Variants in LGR5 observed in about 807,000 individuals in gnomAD.
LGR5 encodes leucine-rich repeat-containing G protein-coupled receptor 5.
LGR5 carries 54 observed loss-of-function variants against 76.7 expected under a neutral mutation model. The observed-to-expected ratio is 0.70, with a 90% confidence interval of 0.57 to 0.88. LGR5 has a LOEUF of 0.88. Ranked by LOEUF, LGR5 falls within the 40% of genes least tolerant of loss-of-function variation. The pLI is 0.00. For missense variants in LGR5, 1,078 were observed against 1,073.3 expected (o/e 1.00, Z -0.06); for synonymous variants, 406 against 421.9 (o/e 0.96, Z 0.46).
chr12:71,489,543 G>T (rs1260617176), intron 1 of LGR5, among the ~76,000 whole-genome samples: 1 of 152,102 alleles, frequency 6.6e-6, no homozygotes, highest in Admixed American at 6.6e-5. Context: ...AGTCAACTTG[G>T]CATGAAAGTC....
At chr12:71,448,405 A>T (rs537823967) in intron 1 of LGR5, 1 of 152,218 alleles carries the variant, frequency 6.6e-6, no homozygotes, top group Non-Finnish European at 1.5e-5. Context: ...ACCTTAGTAC[A>T]TAACAAGGAT....
At chr12:71,524,944 T>C (rs1366508864) in intron 3 of LGR5, among the ~76,000 whole-genome samples, 1 of 152,178 alleles carries the variant, frequency 6.6e-6, no homozygotes, top group Non-Finnish European at 1.5e-5. Context: ...AAGCCTAGTG[T>C]AGAGCAGATA....
chr12:71,456,660 T>G (rs930673570), intron 1 of LGR5, among the ~76,000 whole-genome samples: 26 of 151,580 alleles, frequency 1.7e-4, no homozygotes, highest in Admixed American at 1.7e-3. Flanking sequence ...TACTGTTAAT[T>G]TATAGTAAAT....
intron 2 of LGR5, among the ~76,000 whole-genome samples, chr12:71,523,465 A>G (rs976955639): frequency 1.8e-4 from 28 of 152,104 alleles, no homozygotes; most frequent in African/African-American, 6.5e-4. Context: ...AGCCTTGGCA[A>G]TAAACCATCT....
intron 5 of LGR5, among the ~76,000 whole-genome samples, chr12:71,554,026 G>A (rs1480977928): frequency 6.6e-6 from 1 of 152,118 alleles, no homozygotes; most frequent in Non-Finnish European, 1.5e-5. Context: ...AGGTTGCAGT[G>A]AGCCAAGATT....
At chr12:71,474,506 C>T (rs1323010034) in intron 1 of LGR5, among the ~76,000 whole-genome samples, 2 of 152,228 alleles carry the variant, frequency 1.3e-5, no homozygotes, top group Admixed American at 1.3e-4. Flanking sequence ...GGGAGACCCA[C>T]ACCTACAGAA....
chr12:71,572,409 A>G (rs1878654483), intron 12 of LGR5, among the ~76,000 whole-genome samples: 1 of 152,162 alleles, frequency 6.6e-6, no homozygotes, highest in Non-Finnish European at 1.5e-5. Flanking sequence ...GTCACACTTC[A>G]GTTTTGATCA....
chr12:71,449,604 T>C (rs1348988624), intron 1 of LGR5, among the ~76,000 whole-genome samples: 1 of 152,206 alleles, frequency 6.6e-6, no homozygotes, highest in African/African-American at 2.4e-5. Context: ...TAGAGTCTGA[T>C]AGTCATAAGT....
intron 4 of LGR5, among the ~76,000 whole-genome samples, chr12:71,539,727 C>T (rs1211577427): frequency 6.6e-6 from 1 of 152,186 alleles, no homozygotes; most frequent in African/African-American, 2.4e-5. Flanking sequence ...ATCTGCCTGC[C>T]TTGGCCTCCC....
chr12:71,584,185 C>T lies in LGR5; in HGVS notation c.2175C>T (p.Tyr725=), dbSNP rs756647403. 7.4e-6 allele frequency: 12 copies of T among 1,614,192 alleles called. No individual in the cohort carries two copies. Among genetic ancestry groups the T allele is most frequent in the Middle Eastern group, 1.6e-4 (1 of 6,062 alleles). Residue 725 remains tyrosine, a synonymous_variant, in exon 18 of 18, where the codon TAC becomes TAT. Coordinates refer to ENST00000266674, the MANE Select transcript of LGR5 (RefSeq NM_003667.4). The part of the protein sequence containing the change: ...LPFGEPSTMG[Y]MVALILLNSL... ...TTGGGGAGCCCAGCACCATGGGCTA[C>T]ATGGTCGCTCTCATCTTGCTCAATT...
At chr12:71,565,065 G>A (rs1191533239) in intron 8 of LGR5, among the ~76,000 whole-genome samples, 1 of 151,790 alleles carries the variant, frequency 6.6e-6, no homozygotes, top group East Asian at 1.9e-4. Context: ...AAGATATTAA[G>A]AGGAAAGCTC....
At chr12:71,557,651 G>A (rs559447407) in intron 6 of LGR5, among the ~76,000 whole-genome samples, 57 of 152,294 alleles carry the variant, frequency 3.7e-4, no homozygotes, top group Non-Finnish European at 5.0e-4. Flanking sequence ...AGGTTCTTGT[G>A]GGCCACACCA....
chr12:71,558,072 C>A (rs966122887), intron 6 of LGR5, among the ~76,000 whole-genome samples: 12 of 152,136 alleles, frequency 7.9e-5, no homozygotes, highest in African/African-American at 2.9e-4. Flanking sequence ...GGTTAAGTCA[C>A]CCTGTGTTTC....
intron 16 of LGR5, among the ~76,000 whole-genome samples, chr12:71,580,659 A>G (rs979743887): frequency 2.0e-5 from 3 of 152,096 alleles, no homozygotes; most frequent in Non-Finnish European, 2.9e-5. Context: ...GTAGCCAGGC[A>G]TGGTGGCACA....
chr12:71,583,441 C>T, intron 17 of LGR5: 2 of 576,754 alleles, frequency 3.5e-6, no homozygotes, highest in Non-Finnish European at 6.1e-6. Context: ...AACAGGAGCA[C>T]CGGGTGTACT....
chr12:71,462,607 G>A (rs964022902), intron 1 of LGR5, among the ~76,000 whole-genome samples: 3 of 151,994 alleles, frequency 2.0e-5, no homozygotes, highest in East Asian at 1.9e-4. Flanking sequence ...GGGAGTAATC[G>A]TCTCACCCAA....
At chr12:71,513,343 T>C (rs1875264544) in intron 2 of LGR5, among the ~76,000 whole-genome samples, 1 of 152,178 alleles carries the variant, frequency 6.6e-6, no homozygotes, top group African/African-American at 2.4e-5. Flanking sequence ...CAATGGGCAA[T>C]GGTTTTCTGA....
intron 4 of LGR5, among the ~76,000 whole-genome samples, chr12:71,536,358 T>A (rs1876584718): frequency 6.6e-6 from 1 of 152,164 alleles, no homozygotes; most frequent in Non-Finnish European, 1.5e-5. Context: ...TGAAAGAAAA[T>A]CTGTGCTTGA....
At chr12:71,538,524 T>A (rs1168415241) in intron 4 of LGR5, among the ~76,000 whole-genome samples, 1 of 152,074 alleles carries the variant, frequency 6.6e-6, no homozygotes, top group Non-Finnish European at 1.5e-5. Flanking sequence ...TAGTGTTTTC[T>A]AACTGGCTTA....
Sources: allele counts gnomAD v4.1 joint callset (sites outside exome capture counted in the v4.1 genomes callset), GRCh38; gene constraint gnomAD v4.1.1; transcripts MANE v1.5; gene names NCBI Gene and HGNC (gene_info 2026-07-23, HGNC 2026-07-21).